ABCD4: variants seen among roughly 807,000 people sequenced by gnomAD.
ABCD4 encodes ATP binding cassette subfamily D member 4.
In ABCD4, 53 loss-of-function variants were observed where a neutral mutation model predicts 86.3. The observed-to-expected ratio is 0.61, with a 90% CI of 0.49 to 0.77. ABCD4 has a LOEUF of 0.77. Ranked by LOEUF, ABCD4 falls within the 30% of genes least tolerant of loss-of-function variation. ABCD4 has a pLI of 0.00. For synonymous variants in ABCD4, 328 were observed against 313.6 expected, an observed-to-expected ratio of 1.05 and a Z score of -0.49; for missense variants, 757 against 764.5, an observed-to-expected ratio of 0.99 and a Z score of 0.12.
intron 7 of ABCD4, chr14:74,294,490 G>A (rs2082340256): frequency 1.3e-5 from 2 of 152,222 alleles, no homozygotes; most frequent in African/African-American, 4.9e-5. Flanking sequence ...AAAGGTCCCA[G>A]GGCTATCACA....
intron 12 of ABCD4, 54 bp from the exon 13 acceptor site, chr14:74,290,172 C>T (rs2081082111): frequency 6.2e-7 from 1 of 1,611,664 alleles, no homozygotes; most frequent in South Asian, 1.1e-5. Flanking sequence ...AGGCAACTGC[C>T]TGTCTCCTCT....
At chr14:74,295,757 T>C (rs2082684973) in intron 6 of ABCD4, 97 bp downstream of exon 6, 2 of 1,525,204 alleles carry the variant, frequency 1.3e-6, no homozygotes, top group East Asian at 2.3e-5. Context: ...AGCTAGTAAC[T>C]GGCACAGCTA....
Position 74,292,595 on chromosome 14 carries a change from G to A in ABCD4, c.984C>T (p.Ile328=), listed in dbSNP as rs202052121. The A allele has an allele frequency of 7.4e-6, 12 of 1,614,044 alleles. No homozygotes were observed. In the East Asian group the frequency reaches 2.2e-4, roughly 30 times the overall value. ...CATCTGAGAGCGTCGTGGACAGGTCGATGAGCTGGGTGAAGCAGCTGATGA... is the reference window on the plus strand; with the variant it reads ...CATCTGAGAGCGTCGTGGACAGGTCAATGAGCTGGGTGAAGCAGCTGATGA... ...IYLISCFTQL[I]DLSTTLSDVA... is the part of the protein sequence containing the mutation. The change falls in exon 10 of 19, where the codon ATC becomes ATT. Residue 328 remains isoleucine (I), a synonymous_variant. Coordinates refer to ENST00000356924, the MANE Select transcript of ABCD4 (RefSeq NM_005050.4).
chr14:74,286,697 G>T lies in ABCD4; in HGVS notation c.1752+4C>A. On this transcript the variant is annotated splice_donor_region_variant and intron_variant, in intron 18 of 18. Coordinates refer to ENST00000356924, the MANE Select transcript of ABCD4 (RefSeq NM_005050.4). ...CCTCAGGCCATCCTTGTGAGCACGG[G>T]TACCTTCTCAAGGCTCTGCCGATGT... 1.2e-6 allele frequency: 2 copies of T among 1,614,024 alleles called. No homozygotes were observed. The highest frequency in any genetic ancestry group is 2.2e-5 in the South Asian group (2 of 91,088).
chr14:74,287,256 A>G (rs1485623251), intron 17 of ABCD4, among the ~76,000 whole-genome samples: 3 of 152,186 alleles, frequency 2.0e-5, no homozygotes, highest in Non-Finnish European at 2.9e-5. Flanking sequence ...CTGCCAGGCA[A>G]AAAGCTTATG....
intron 13 of ABCD4, chr14:74,289,798 G>GT: frequency 1.4e-6 from 2 of 1,436,930 alleles, no homozygotes; most frequent in Non-Finnish European, 1.8e-6. Context: ...GGTATTTGGC[G>GT]TGAGTCCTTG....
chr14:74,294,476 G>A (rs887780552), intron 7 of ABCD4: 4 of 152,392 alleles, frequency 2.6e-5, no homozygotes, highest in East Asian at 3.9e-4. Context: ...AGAGACTGAG[G>A]AGCAAAGGTC....
At chr14:74,292,266 C>T (rs771225392) in intron 11 of ABCD4, 21 bp downstream of exon 11, 10 of 1,612,962 alleles carry the variant, frequency 6.2e-6, no homozygotes, top group Middle Eastern at 1.7e-4. Context: ...TCAACTACTG[C>T]TCTGCCAGCC....
chr14:74,299,744 T>A, intron 2 of ABCD4, 69 bp from the exon 3 acceptor site: 1 of 1,497,300 alleles, frequency 6.7e-7, no homozygotes, highest in Non-Finnish European at 9.1e-7. Flanking sequence ...TCTTCCTGAG[T>A]CCCTGCCTCA....
chr14:74,290,521 G>C, intron 11 of ABCD4, 22 bp from the exon 12 acceptor site: 1 of 1,601,252 alleles, frequency 6.2e-7, no homozygotes, highest in Non-Finnish European at 8.5e-7. Flanking sequence ...AAGAGAGGGG[G>C]CGTGAGGAAG....
chr14:74,302,892 C>A lies in ABCD4; in HGVS notation c.21G>T (p.Ala7=), dbSNP rs775274648. 3.1e-6 allele frequency: 5 copies of A among 1,606,780 alleles called. No homozygotes were observed. Among genetic ancestry groups the A allele is most frequent in the East Asian group, 2.3e-5 (1 of 43,976 alleles). The change falls in exon 1 of 19, where the codon GCG becomes GCT. Residue 7 remains alanine (A), a synonymous_variant. Coordinates refer to ENST00000356924, the MANE Select transcript of ABCD4 (RefSeq NM_005050.4). MAVAGP[A]PGAGARPRLD... ...CTGCTTACCTGGCGCCAGCTCCGGGCGCGGGCCCCGCGACCGCCATGACCT... is the reference window on the plus strand; with the variant it reads ...CTGCTTACCTGGCGCCAGCTCCGGGAGCGGGCCCCGCGACCGCCATGACCT...
chr14:74,298,205 TTTC>T (rs1415183085), intron 3 of ABCD4, 136 bp from the exon 4 acceptor site: 1 of 1,447,440 alleles, frequency 6.9e-7, no homozygotes, highest in African/African-American at 1.4e-5. Flanking sequence ...ACTCAGCACT[TTTC>T]TTTTTTAAAT....
chr14:74,287,774 G>A, intron 17 of ABCD4, 36 bp downstream of exon 17: 3 of 1,577,292 alleles, frequency 1.9e-6, no homozygotes, highest in Non-Finnish European at 2.6e-6. Context: ...AGTGCAGACA[G>A]CGCATGGCAT....
At chr14:74,291,132 C>T (rs1360434145) in intron 11 of ABCD4, among the ~76,000 whole-genome samples, 1 of 152,158 alleles carries the variant, frequency 6.6e-6, no homozygotes, top group Non-Finnish European at 1.5e-5. Context: ...CATCTACAAG[C>T]CAAGGAGTGG....
chr14:74,297,756 C>T (rs923104791), intron 4 of ABCD4, 174 bp downstream of exon 4: 1 of 1,357,958 alleles, frequency 7.4e-7, no homozygotes, highest in African/African-American at 1.5e-5. Flanking sequence ...TATTCACAGC[C>T]CTGCAGCTTC....
chr14:74,296,638 G>T, intron 4 of ABCD4, 189 bp from the exon 5 acceptor site: 1 of 577,334 alleles, frequency 1.7e-6, no homozygotes, highest in Non-Finnish European at 3.1e-6. Flanking sequence ...CTTTAAACAG[G>T]GTTCTAGAGA....
In ABCD4 at chr14:74,296,416, G is replaced by A; in HGVS notation, c.459C>T (p.Phe153=). Residue 153 remains phenylalanine (F), a synonymous_variant, in exon 5 of 19, where the codon TTC becomes TTT. Transcript: ENST00000356924. ...TGGCCATGCTGCTGAGCTGCCGGCA[G>A]AATCGCTCCACGTCCTGGCTGATGC... The part of the protein sequence containing the change: ...DQRISQDVER[F]CRQLSSMASK... 6.2e-7 allele frequency: 1 copy of A among 1,614,150 alleles called. No homozygotes were observed. Among genetic ancestry groups the A allele is most frequent in the Non-Finnish European group, 8.5e-7 (1 of 1,180,040 alleles).
rs372482451 is a variant in ABCD4, at chr14:74,290,066, T to C, written c.1380A>G (p.Pro460=). 2.5e-6 allele frequency: 4 copies of C among 1,614,136 alleles called. No individual in the cohort carries two copies. Among genetic ancestry groups the C allele is most frequent in the Non-Finnish European group, 3.4e-6 (4 of 1,180,022 alleles). ...DFGPHGVLFL[P]QKPFFTDGTL... ...TCCCGTCAGTGAAGAATGGCTTTTGTGGCAGGAATAGCACCCCATGGGGCC... is the reference window on the plus strand; with the variant it reads ...TCCCGTCAGTGAAGAATGGCTTTTGCGGCAGGAATAGCACCCCATGGGGCC... The change falls in exon 13 of 19, where the codon CCA becomes CCG. Residue 460 remains proline, a synonymous_variant. Coordinates refer to ENST00000356924, the MANE Select transcript of ABCD4 (RefSeq NM_005050.4).
Position 74,288,429 on chromosome 14 carries a change from G to A in ABCD4, c.1507-170C>T, listed in dbSNP as rs569929262. 1.6e-5 allele frequency: 11 copies of A among 688,812 alleles called. No individual in the cohort carries two copies. In the African/African-American group the frequency reaches 1.6e-4, roughly 10 times the overall value. The allele number at this position is 688,812 out of a possible 1,614,324, so 42.7% of individuals were successfully genotyped here. On this transcript the variant is annotated intron_variant, in intron 15 of 18. Transcript: ENST00000356924. The stretch of plus-strand genomic sequence containing the variant: ...TGGGACAGTCTGCCCCAGGCAGAGA[G>A]GAATATTCTACCAATGACACTGTTT...
Sources: allele counts gnomAD v4.1 joint callset (sites outside exome capture counted in the v4.1 genomes callset), GRCh38; gene constraint gnomAD v4.1.1; transcripts MANE v1.5; gene names NCBI Gene and HGNC (gene_info 2026-07-23, HGNC 2026-07-21).